The following TRAT1 variants were observed in gnomAD, a reference collection of about 807,000 sequenced individuals.
The protein encoded by TRAT1 is T cell receptor associated transmembrane adaptor 1.
TRAT1 carries 20 observed loss-of-function variants against 20.0 expected under a neutral mutation model. That is an observed-to-expected ratio of 1.00 (90% CI 0.70 to 1.45). TRAT1 has a LOEUF of 1.45. Among genes scored for constraint, TRAT1 ranks in the 40% most tolerant of loss-of-function variants. TRAT1 has a pLI of 0.00. For missense variants in TRAT1, 237 were observed against 224.1 expected, an observed-to-expected ratio of 1.06 and a Z score of -0.37; for synonymous variants, 77 against 74.2, an observed-to-expected ratio of 1.04 and a Z score of -0.20.
intron 3 of TRAT1, chr3:108,839,200 G>T: frequency 1.9e-6 from 1 of 516,878 alleles, no homozygotes; most frequent in Non-Finnish European, 3.4e-6. Context: ...GATAAAATGA[G>T]ATTCTAACCT....
At chr3:108,829,410 C>T (rs942924252) in intron 1 of TRAT1, among the ~76,000 whole-genome samples, 2 of 151,966 alleles carry the variant, frequency 1.3e-5, no homozygotes, top group African/African-American at 4.8e-5. Context: ...ATGGTGAAAC[C>T]CTGTCTCTAC....
intron 3 of TRAT1, 72 bp from the exon 4 acceptor site, chr3:108,846,996 T>C: frequency 9.7e-7 from 1 of 1,035,074 alleles, no homozygotes; most frequent in East Asian, 2.5e-5. Context: ...ATATTGAATT[T>C]AGCTGAGAAG....
chr3:108,829,570 C>G (rs1032179838), intron 1 of TRAT1, among the ~76,000 whole-genome samples: 3 of 108,646 alleles, frequency 2.8e-5, no homozygotes, highest in Non-Finnish European at 1.9e-5. Context: ...GGCGAAAGAG[C>G]AAGACTCCAT....
At chr3:108,834,538 G>A (rs1243177724) in intron 2 of TRAT1, among the ~76,000 whole-genome samples, 2 of 152,142 alleles carry the variant, frequency 1.3e-5, no homozygotes, top group African/African-American at 2.4e-5. Flanking sequence ...AAGACTTCCT[G>A]CCTTATTTCT....
In TRAT1 at chr3:108,834,588, T is replaced by A. The variant is rs149962644; in HGVS notation, c.118+3808T>A. The stretch of plus-strand genomic sequence containing the variant: ...CTATAATAAAAGAGATTCTATTGTA[T>A]CAACTGGCTTTTCTGCCACTTGGGC... On this transcript the variant is annotated intron_variant, in intron 2 of 5. Coordinates refer to ENST00000295756, the MANE Select transcript of TRAT1 (RefSeq NM_016388.4). Among the ~76,000 whole-genome samples, 169 of 152,336 alleles carry A rather than the reference T, an allele frequency of 1.1e-3. 1 individual carries two copies. Among genetic ancestry groups the A allele is most frequent in the Non-Finnish European group, 3.8e-4 (26 of 68,040 alleles).
In TRAT1 at chr3:108,833,529, T is replaced by A. The variant is rs564825717; in HGVS notation, c.118+2749T>A. ...GCCCCAAGCATGCCATAAGCAGCTC[T>A]ATTACCTAAAAGTAGTGTAATGGAA... On this transcript the variant is annotated intron_variant, in intron 2 of 5. Coordinates refer to ENST00000295756, the MANE Select transcript of TRAT1 (RefSeq NM_016388.4). Among the ~76,000 whole-genome samples the A allele has an allele frequency of 1.6e-4, 24 of 152,338 alleles. No homozygotes were observed. In the South Asian group the frequency reaches 4.6e-3, roughly 29 times the overall value.
chr3:108,835,589 C>CAA (rs1945831599), intron 2 of TRAT1, among the ~76,000 whole-genome samples: 1 of 152,132 alleles, frequency 6.6e-6, no homozygotes, highest in African/African-American at 2.4e-5. Context: ...CAAAATTACC[C>CAA]AAGTACTGAT....
At chr3:108,826,454 C>T (rs1428056998) in intron 1 of TRAT1, among the ~76,000 whole-genome samples, 2 of 152,068 alleles carry the variant, frequency 1.3e-5, no homozygotes, top group Admixed American at 6.6e-5. Context: ...AACTGATTTG[C>T]GAGCCCCCTC....
At chr3:108,830,820 A>C in intron 2 of TRAT1, 40 bp downstream of exon 2, 1 of 1,229,548 alleles carries the variant, frequency 8.1e-7, no homozygotes, top group Non-Finnish European at 1.2e-6. Context: ...ACCTGCTTGA[A>C]TGGAGACTAT....
chr3:108,838,808 C>G (rs567832667), intron 2 of TRAT1, 126 bp from the exon 3 acceptor site: 2 of 758,580 alleles, frequency 2.6e-6, no homozygotes, highest in Non-Finnish European at 4.7e-6. Flanking sequence ...TCAGAGGTGC[C>G]CTGAGAGCCT....
At chr3:108,832,820 T>A (rs1165998148) in intron 2 of TRAT1, among the ~76,000 whole-genome samples, 1 of 152,196 alleles carries the variant, frequency 6.6e-6, no homozygotes, top group Non-Finnish European at 1.5e-5. Flanking sequence ...TCAACCTTAA[T>A]AGTCAATTTT....
intron 5 of TRAT1, among the ~76,000 whole-genome samples, chr3:108,849,706 A>G (rs552685976): frequency 2.0e-4 from 31 of 152,346 alleles, no homozygotes; most frequent in African/African-American, 7.2e-4. Flanking sequence ...GATGACTTTC[A>G]ATTTTAATAC....
Position 108,836,057 on chromosome 3 carries a change from C to T in TRAT1, c.119-2877C>T, listed in dbSNP as rs181449967. 1.5e-4 allele frequency among the ~76,000 whole-genome samples: 23 copies of T among 151,898 alleles called. 1 individual carries two copies. Among genetic ancestry groups the T allele is most frequent in the Admixed American group, 5.9e-4 (9 of 15,262 alleles). On this transcript the variant is annotated intron_variant, in intron 2 of 5. Transcript: ENST00000295756. ...GCCTCAGCCTCCCGAGTAGCTGGGA[C>T]TACAGGCGCATGCCACCATGCCCAG... is the stretch of plus-strand genomic sequence containing the variant.
At chr3:108,834,953 A>T (rs2107509231) in intron 2 of TRAT1, among the ~76,000 whole-genome samples, 1 of 152,240 alleles carries the variant, frequency 6.6e-6, no homozygotes, top group East Asian at 1.9e-4. Context: ...GGAGGATTAT[A>T]TTTATTTCTT....
At chr3:108,843,883 T>G (rs1046099593) in intron 3 of TRAT1, among the ~76,000 whole-genome samples, 2 of 152,200 alleles carry the variant, frequency 1.3e-5, no homozygotes, top group Non-Finnish European at 2.9e-5. Context: ...CTTCTTCTCT[T>G]ACCAGCAGCC....
intron 2 of TRAT1, among the ~76,000 whole-genome samples, chr3:108,834,149 A>G (rs539232050): frequency 2.6e-5 from 4 of 152,178 alleles, no homozygotes; most frequent in Non-Finnish European, 4.4e-5. Flanking sequence ...GTGGTCATGT[A>G]TGTCACATTC....
At chr3:108,850,937 C>A (rs369134473) in intron 5 of TRAT1, among the ~76,000 whole-genome samples, 1 of 152,296 alleles carries the variant, frequency 6.6e-6, no homozygotes, top group East Asian at 1.9e-4. Flanking sequence ...GAAAATTATG[C>A]AAAGCCTTAA....
intron 2 of TRAT1, among the ~76,000 whole-genome samples, chr3:108,832,018 AT>A (rs1945798911): frequency 6.6e-6 from 1 of 152,242 alleles, no homozygotes. Context: ...ATTTAGAACA[AT>A]GGTCAGATTG....
chr3:108,839,917 A>T (rs1408416007), intron 3 of TRAT1, among the ~76,000 whole-genome samples: 1 of 151,974 alleles, frequency 6.6e-6, no homozygotes, highest in Non-Finnish European at 1.5e-5. Flanking sequence ...GAATATTCTG[A>T]CCCAGATGTG....
Sources: gnomAD v4.1 joint callset for allele counts (sites outside exome capture counted in the v4.1 genomes callset) on GRCh38, gnomAD v4.1.1 for gene constraint, MANE v1.5 for transcripts, NCBI Gene and HGNC (gene_info 2026-07-23, HGNC 2026-07-21) for gene names.